Variants in ERI1 observed in about 807,000 individuals in gnomAD.
ERI1 encodes exoribonuclease 1.
ERI1 carries 39 observed loss-of-function variants against 39.7 expected under a neutral mutation model. That is an observed-to-expected ratio of 0.98 (90% CI 0.76 to 1.28). The LOEUF is 1.28. Among genes scored for constraint, ERI1 ranks in the 50% most tolerant of loss-of-function variants. ERI1 has a pLI of 0.00. For missense variants in ERI1, 581 were observed against 416.9 expected, an observed-to-expected ratio of 1.39 and a Z score of -3.43; for synonymous variants, 204 against 149.6, an observed-to-expected ratio of 1.36 and a Z score of -2.65.
intron 3 of ERI1, among the ~76,000 whole-genome samples, chr8:9,043,894 A>G (rs1428836624): frequency 2.0e-4 from 30 of 152,198 alleles, no homozygotes; most frequent in Admixed American, 2.0e-3. Context: ...TCTAATTGAG[A>G]AAATAAGGCA....
At position 9,033,059 on chromosome 8, in the gene ERI1, C is replaced by T. The variant is rs149158251; in HGVS notation, c.*3025C>T. On this transcript the variant is annotated 3_prime_UTR_variant, in exon 7 of 7. Coordinates refer to ENST00000250263, the MANE Select transcript of ERI1 (RefSeq NM_153332.4). ...TGATACATGAAGGACAGCATTACAT[C>T]TTTTTTCTATTATACTTAGAAATTT... The T allele has an allele frequency of 6.6e-6, 1 of 152,136 alleles. No homozygotes were observed. The highest frequency in any genetic ancestry group is 1.5e-5 in the Non-Finnish European group (1 of 68,016). 9.4% of individuals were successfully genotyped at this position (152,136 alleles called of 1,614,324 possible). A position where few individuals can be genotyped will look rare whatever the true frequency, so the allele number is the denominator to read the frequency against.
At chr8:9,089,243 T>C (rs533570827) in intron 3 of ERI1, among the ~76,000 whole-genome samples, 16 of 152,320 alleles carry the variant, frequency 1.1e-4, no homozygotes, top group Admixed American at 6.5e-5. Flanking sequence ...TTCCAGACCA[T>C]TCTCACCTTC....
intron 3 of ERI1, among the ~76,000 whole-genome samples, chr8:9,091,779 T>G (rs145085077): frequency 2.3e-4 from 35 of 152,272 alleles, no homozygotes; most frequent in African/African-American, 7.9e-4. Flanking sequence ...AAATGTGAAA[T>G]GTACATTTGG....
chr8:9,039,639 A>G (rs377665603), intron 3 of ERI1, among the ~76,000 whole-genome samples: 4 of 152,244 alleles, frequency 2.6e-5, no homozygotes, highest in East Asian at 3.8e-4. Flanking sequence ...GTGTGTACGT[A>G]TATTGAACTA....
intron 3 of ERI1, among the ~76,000 whole-genome samples, chr8:9,045,065 G>A (rs534784335): frequency 6.6e-6 from 1 of 151,966 alleles, no homozygotes; most frequent in African/African-American, 2.4e-5. Context: ...GTGAAACCCT[G>A]TCTCTACAAA....
At chr8:9,062,933 C>T (rs1036037357) in intron 3 of ERI1, 1 of 152,066 alleles carries the variant, frequency 6.6e-6, no homozygotes, top group Non-Finnish European at 1.5e-5. Flanking sequence ...TGGAGGAACC[C>T]CTGGCAGCTG....
At chr8:9,090,619 G>C (rs1283084103) in intron 3 of ERI1, among the ~76,000 whole-genome samples, 4 of 152,138 alleles carry the variant, frequency 2.6e-5, no homozygotes. Context: ...GTTTAAATAG[G>C]ACAAAAGAGA....
chr8:9,011,856 C>G (rs1296760071), intron 3 of ERI1, 104 bp downstream of exon 3: 3 of 797,790 alleles, frequency 3.8e-6, no homozygotes, highest in African/African-American at 3.5e-5. Context: ...AATTAGACTT[C>G]TAAAGTAAGT....
chr8:9,024,945 A>G (rs1383813053), intron 6 of ERI1, among the ~76,000 whole-genome samples: 1 of 152,206 alleles, frequency 6.6e-6, no homozygotes, highest in Non-Finnish European at 1.5e-5. Context: ...CATGTTAAAA[A>G]AAAAAGCTTG....
At chr8:9,087,425 TTTTTTTTTTTG>T (rs1295428018) in intron 3 of ERI1, among the ~76,000 whole-genome samples, 98 of 51,940 alleles carry the variant, frequency 1.9e-3, no homozygotes, top group African/African-American at 6.3e-3. Context: ...TTTTTTTTTT[TTTTTTTTTTTG>T]ATTTTTAGTA....
intron 3 of ERI1, among the ~76,000 whole-genome samples, chr8:9,087,565 ATTTTGAT>A (rs1563097885): frequency 6.6e-6 from 1 of 151,558 alleles, no homozygotes. Context: ...CCTTATTTTT[ATTTTGAT>A]TTTTATTTTT....
intron 6 of ERI1, among the ~76,000 whole-genome samples, chr8:9,029,371 C>T (rs183256747): frequency 6.6e-6 from 1 of 152,084 alleles, no homozygotes; most frequent in Non-Finnish European, 1.5e-5. Flanking sequence ...CTCTGTTGTT[C>T]AGGCTGGAGT....
chr8:9,036,244 A>G (rs961755881), downstream of ERI1, among the ~76,000 whole-genome samples: 1 of 152,224 alleles, frequency 6.6e-6, no homozygotes, highest in African/African-American at 2.4e-5. Context: ...ATAGAATGCT[A>G]TCAAACAGCA....
At position 9,020,379 on chromosome 8, in the gene ERI1, T is replaced by A. The variant is rs1332174698; in HGVS notation, c.722T>A (p.Ile241Asn). Reference protein sequence around the residue: ...GSWDMSKFLNIQCQLSRLKYP... With the variant: ...GSWDMSKFLNNQCQLSRLKYP... Reference sequence around the variant, plus strand: ...TGGGATATGAGTAAGTTCTTGAACATTCAGTGTCAACTCAGCAGGCTCAAA... The same window carrying A: ...TGGGATATGAGTAAGTTCTTGAACAATCAGTGTCAACTCAGCAGGCTCAAA... Residue 241 changes from isoleucine (I) to asparagine (N), a missense_variant, in exon 6 of 7, where the codon ATT becomes AAT. By Grantham distance (149) the Ile-to-Asn change is moderately radical. Transcript: ENST00000250263. 4.4e-6 allele frequency: 7 copies of A among 1,599,414 alleles called. No individual in the cohort carries two copies. The East Asian group carries it at 1.6e-4, about 36-fold the overall frequency.
At chr8:9,026,529 A>C (rs1032436172) in intron 6 of ERI1, among the ~76,000 whole-genome samples, 1 of 151,892 alleles carries the variant, frequency 6.6e-6, no homozygotes, top group Admixed American at 6.6e-5. Flanking sequence ...AATGTCTTTA[A>C]AGTTCATCCA....
intron 3 of ERI1, among the ~76,000 whole-genome samples, chr8:9,070,507 C>G (rs1213267956): frequency 3.9e-5 from 6 of 152,032 alleles, no homozygotes; most frequent in Non-Finnish European, 7.4e-5. Context: ...AAAAAGGACT[C>G]TAAAGATACC....
chr8:9,060,833 G>A (rs13257208), intron 3 of ERI1, among the ~76,000 whole-genome samples: 1 of 152,072 alleles, frequency 6.6e-6, no homozygotes, highest in East Asian at 1.9e-4. Context: ...GATCTGATGC[G>A]TTTTGATGCC....
rs921979661 is a variant in ERI1 at position 9,018,512 on chromosome 8, A to C, written c.692+106A>C. The stretch of plus-strand genomic sequence containing the variant: ...ACCACAAACTATTATTAGAGACCCT[A>C]GAGTCTCACCCCACAGGGAATAGTA... On this transcript the variant is annotated intron_variant, in intron 5 of 6. Coordinates refer to ENST00000250263, the MANE Select transcript of ERI1 (RefSeq NM_153332.4). 4.7e-6 allele frequency: 3 copies of C among 644,926 alleles called. No homozygotes were observed. The East Asian group carries it at 8.4e-5, about 18-fold the overall frequency. The allele number at this position is 644,926 out of a possible 1,614,324, so 40.0% of individuals were successfully genotyped here.
At chr8:9,036,120 C>G (rs1475333022), downstream of ERI1, among the ~76,000 whole-genome samples, 1 of 152,192 alleles carries the variant, frequency 6.6e-6, no homozygotes, top group East Asian at 1.9e-4. Context: ...GGTGAAGATG[C>G]TGTAAACATT....
Sources: allele counts gnomAD v4.1 joint callset (sites outside exome capture counted in the v4.1 genomes callset), GRCh38; gene constraint gnomAD v4.1.1; transcripts MANE v1.5; gene names NCBI Gene and HGNC (gene_info 2026-07-23, HGNC 2026-07-21).